The following SPRY3 variants were observed in gnomAD, a reference collection of about 807,000 sequenced individuals.
SPRY3 encodes the protein protein sprouty homolog 3.
In SPRY3, 15 loss-of-function variants were observed where a neutral mutation model predicts 20.2. The observed-to-expected ratio is 0.74, with a 90% CI of 0.50 to 1.14. The LOEUF is 1.14. Among genes scored for constraint, SPRY3 ranks in the 50% most tolerant of loss-of-function variants. The probability of loss-of-function intolerance (pLI) is 0.00; values close to 1 mark genes in which losing one functional copy is unlikely to be tolerated. For missense variants in SPRY3, 364 were observed against 363.9 expected (o/e 1.00, Z 0.00); for synonymous variants, 143 against 136.5 (o/e 1.05, Z -0.33).
rs184644802 is a variant in SPRY3 at position 155,769,601 on chromosome X, G to A, written c.-107+1465G>A. On this transcript the variant is annotated intron_variant, in intron 3 of 3. Coordinates refer to ENST00000675360, the Ensembl canonical transcript of SPRY3. ...AGCTTCTTCTTACAATTTTCCTCAG[G>A]ATTAGATGTGAATTCATTTGGTATT... Among the ~76,000 whole-genome samples, 4 of 152,050 alleles carry A rather than the reference G, an allele frequency of 2.6e-5. No individual in the cohort carries two copies. The East Asian group carries it at 7.7e-4, about 29-fold the overall frequency.
At chrX:155,696,396 G>A (rs2068118953) in intron 2 of SPRY3, among the ~76,000 whole-genome samples, 1 of 110,571 alleles carries the variant, frequency 9.0e-6, no homozygotes, top group African/African-American at 3.3e-5. Flanking sequence ...ATATTTTGAA[G>A]TGTCCTTTTA....
chrX:155,754,961 T>G (rs1220368762), intron 2 of SPRY3, among the ~76,000 whole-genome samples: 29 of 66,632 alleles, frequency 4.4e-4, no homozygotes, highest in Non-Finnish European at 2.9e-4. Context: ...TAGCTGAACT[T>G]GTGTGTGTGT....
chrX:155,768,285 A>G (rs2091357622), intron 3 of SPRY3, 149 bp downstream of exon 2: 1 of 152,158 alleles, frequency 6.6e-6, no homozygotes, highest in Non-Finnish European at 1.5e-5. Flanking sequence ...TGGATAAAAT[A>G]AAATGAAAAC....
At chrX:155,692,339 A>G (rs1315811042) in intron 2 of SPRY3, among the ~76,000 whole-genome samples, 2 of 110,985 alleles carry the variant, frequency 1.8e-5, no homozygotes, top group East Asian at 5.6e-4. Context: ...TTGCCGTTGA[A>G]TCTTTGTAGA....
chrX:155,633,957 CGTA>C (rs1168718666), intron 1 of SPRY3, among the ~76,000 whole-genome samples: 1 of 110,873 alleles, frequency 9.0e-6, no homozygotes, highest in Non-Finnish European at 1.9e-5. Flanking sequence ...GGCATGCGCC[CGTA>C]GTTCCAGCTA....
intron 1 of SPRY3, among the ~76,000 whole-genome samples, chrX:155,642,796 CTTG>C (rs2124538333): frequency 9.0e-6 from 1 of 111,536 alleles, no homozygotes; most frequent in South Asian, 3.7e-4. Flanking sequence ...CAAAATTCTT[CTTG>C]TTGTTGATAT....
intron 1 of SPRY3, among the ~76,000 whole-genome samples, chrX:155,626,575 G>A (rs910326872): frequency 2.7e-5 from 3 of 110,973 alleles, no homozygotes; most frequent in Admixed American, 9.6e-5. Context: ...ATCTATTTTC[G>A]CCTTTTGTTG....
Position 155,616,894 on chromosome X carries a change from C to T in SPRY3, c.-441+4247C>T, listed in dbSNP as rs1162661078. Reference sequence around the variant, plus strand: ...TTAATAGGGGTGGGAAAGTTAAAACCGTCCAGTAATATCCTACTATATAAA... The same window carrying T: ...TTAATAGGGGTGGGAAAGTTAAAACTGTCCAGTAATATCCTACTATATAAA... On this transcript the variant is annotated intron_variant, in intron 1 of 3. Transcript: ENST00000675360. 4.5e-5 allele frequency among the ~76,000 whole-genome samples: 5 copies of T among 110,319 alleles called. No individual in the cohort carries two copies. The Admixed American group carries it at 4.9e-4, about 11-fold the overall frequency.
At chrX:155,774,166 C>T (rs747908552) in exon 4 of SPRY3, 2 of 1,614,010 alleles carry the variant, frequency 1.2e-6, no homozygotes, top group South Asian at 2.2e-5. Flanking sequence ...TGATCAAAGG[C>T]TCTTGGCCAG....
intron 1 of SPRY3, among the ~76,000 whole-genome samples, chrX:155,621,193 A>C (rs2124520477): frequency 8.9e-6 from 1 of 111,930 alleles, no homozygotes; most frequent in Non-Finnish European, 1.9e-5. Context: ...CATTATCTTC[A>C]GTTTATTCTG....
chrX:155,621,074 C>T (rs929911004), intron 1 of SPRY3, among the ~76,000 whole-genome samples: 2 of 111,615 alleles, frequency 1.8e-5, no homozygotes, highest in East Asian at 5.6e-4. Context: ...CAATGGCTGC[C>T]GCTTCTATGC....
chrX:155,767,538 C>T (rs926021538), intron 2 of SPRY3, among the ~76,000 whole-genome samples: 8 of 134,800 alleles, frequency 5.9e-5, no homozygotes, highest in African/African-American at 2.0e-4. Flanking sequence ...AAGGTGGAGG[C>T]GGAGGCGGAG....
At chrX:155,760,922 G>C (rs745590179) in intron 2 of SPRY3, among the ~76,000 whole-genome samples, 2 of 152,026 alleles carry the variant, frequency 1.3e-5, no homozygotes, top group African/African-American at 4.8e-5. Flanking sequence ...GCCATGATTT[G>C]GTCCAAAATG....
intron 2 of SPRY3, among the ~76,000 whole-genome samples, chrX:155,745,405 C>T (rs922465478): frequency 2.0e-5 from 3 of 152,022 alleles, no homozygotes; most frequent in Non-Finnish European, 4.4e-5. Context: ...CTATTGAGAG[C>T]TACTGACAAC....
At chrX:155,694,714 C>T (rs750059032) in intron 2 of SPRY3, among the ~76,000 whole-genome samples, 76 of 111,558 alleles carry the variant, frequency 6.8e-4, no homozygotes, top group African/African-American at 1.9e-3. Flanking sequence ...AGTGACAGAC[C>T]GCCAGGCATT....
chrX:155,688,802 T>TAAGCCCAGCATTCATTAGG (rs1275599818), intron 2 of SPRY3, among the ~76,000 whole-genome samples: 49 of 87,440 alleles, frequency 5.6e-4, no homozygotes, highest in African/African-American at 7.6e-4. Context: ...ACCTAGCTCT[T>TAAGCCCAGCATTCATTAGG]TTCCCTAATG....
chrX:155,736,164 T>A (rs1480542735), intron 2 of SPRY3, among the ~76,000 whole-genome samples: 1 of 152,022 alleles, frequency 6.6e-6, no homozygotes, highest in Non-Finnish European at 1.5e-5. Flanking sequence ...ATAAGCGATA[T>A]CCAACATATC....
chrX:155,708,883 C>A (rs936126301), intron 2 of SPRY3, among the ~76,000 whole-genome samples: 18 of 151,400 alleles, frequency 1.2e-4, no homozygotes, highest in African/African-American at 4.3e-4. Context: ...CCATCCCCAC[C>A]TTTTCCCTAT....
intron 1 of SPRY3, among the ~76,000 whole-genome samples, chrX:155,644,519 C>G (rs1369615284): frequency 2.7e-5 from 3 of 110,942 alleles, no homozygotes; most frequent in African/African-American, 6.6e-5. Flanking sequence ...ACCTGGTGTT[C>G]TATTGTACTG....
Sources: gnomAD v4.1 joint callset for allele counts (sites outside exome capture counted in the v4.1 genomes callset) on GRCh38, gnomAD v4.1.1 for gene constraint, MANE v1.5 for transcripts, NCBI Gene and HGNC (gene_info 2026-07-23, HGNC 2026-07-21) for gene names.